The following VPS13B variants were observed in gnomAD, a reference collection of about 807,000 sequenced individuals.
The protein encoded by VPS13B is vacuolar protein sorting 13 homolog B, also known as intermembrane lipid transfer protein VPS13B.
In VPS13B, 285 loss-of-function variants were observed where a neutral mutation model predicts 426.4. That is an observed-to-expected ratio of 0.67 (90% CI 0.61 to 0.74). VPS13B has a LOEUF of 0.74. Ranked by LOEUF, VPS13B falls within the 30% of genes least tolerant of loss-of-function variation. The pLI is 0.00. For missense variants in VPS13B, 4,537 were observed against 4,782.6 expected (o/e 0.95, Z 1.51); for synonymous variants, 1,676 against 1,676.4 (o/e 1.00, Z 0.01).
chr8:99,714,515 A>G (rs1832833134), intron 36 of VPS13B, among the ~76,000 whole-genome samples: 3 of 152,166 alleles, frequency 2.0e-5, no homozygotes, highest in Admixed American at 2.0e-4. Flanking sequence ...ATAATCTCCA[A>G]GTGTCTCCCC....
At chr8:99,193,642 G>A (rs1813728935) in intron 17 of VPS13B, among the ~76,000 whole-genome samples, 1 of 152,076 alleles carries the variant, frequency 6.6e-6, no homozygotes. Flanking sequence ...ATGTTTGTCA[G>A]TAACACAAAA....
At chr8:99,460,250 C>T (rs976690271) in intron 23 of VPS13B, among the ~76,000 whole-genome samples, 2 of 151,718 alleles carry the variant, frequency 1.3e-5, no homozygotes, top group Non-Finnish European at 2.9e-5. Context: ...CATTTTTGTA[C>T]TATGTATATT....
chr8:99,349,253 T>A (rs3134145), intron 19 of VPS13B, among the ~76,000 whole-genome samples: 140,474 of 140,724 alleles, frequency 1, 70,113 homozygotes, highest in African/African-American at 1. Flanking sequence ...GAATGGCGTG[T>A]ACCCGGGAGG....
At chr8:99,659,408 T>G (rs1830140201) in intron 34 of VPS13B, among the ~76,000 whole-genome samples, 1 of 152,180 alleles carries the variant, frequency 6.6e-6, no homozygotes, top group Non-Finnish European at 1.5e-5. Context: ...TTCTGTCATT[T>G]GACTTTTTAT....
chr8:99,508,861 G>A (rs1188536247), intron 28 of VPS13B, among the ~76,000 whole-genome samples: 1 of 150,806 alleles, frequency 6.6e-6, no homozygotes, highest in African/African-American at 2.4e-5. Context: ...ACCTCAACTA[G>A]TATTCACTTT....
intron 19 of VPS13B, among the ~76,000 whole-genome samples, chr8:99,293,042 T>C (rs1433794521): frequency 6.6e-6 from 1 of 152,118 alleles, no homozygotes. Context: ...TAAAGCACCA[T>C]TTAAAGTTCA....
intron 17 of VPS13B, among the ~76,000 whole-genome samples, chr8:99,222,556 A>G (rs1815784060): frequency 6.6e-6 from 1 of 152,190 alleles, no homozygotes; most frequent in Admixed American, 6.5e-5. Flanking sequence ...TAATTCTGTA[A>G]AAGAAAGGAA....
chr8:99,029,445 C>T (rs898403241), intron 2 of VPS13B, among the ~76,000 whole-genome samples: 1 of 151,828 alleles, frequency 6.6e-6, no homozygotes, highest in Non-Finnish European at 1.5e-5. Context: ...GTGGTTGTAG[C>T]GAGCCGAGAT....
chr8:99,530,937 C>G (rs1014406739), intron 30 of VPS13B, among the ~76,000 whole-genome samples: 4 of 152,036 alleles, frequency 2.6e-5, no homozygotes, highest in Non-Finnish European at 5.9e-5. Flanking sequence ...ATAAGATGTA[C>G]CAGCTGTAGT....
chr8:99,775,264 C>T (rs924405260), intron 40 of VPS13B, among the ~76,000 whole-genome samples: 115 of 152,268 alleles, frequency 7.6e-4, no homozygotes, highest in African/African-American at 2.7e-3. Context: ...TTCTTTAGTG[C>T]TTCCTGTCAT....
At chr8:99,029,496 G>A (rs1422042244) in intron 2 of VPS13B, among the ~76,000 whole-genome samples, 1 of 152,140 alleles carries the variant, frequency 6.6e-6, no homozygotes, top group Non-Finnish European at 1.5e-5. Context: ...TGAGCACTGA[G>A]TGAACGAGAC....
At chr8:99,715,230 AT>A (rs1292371237) in intron 36 of VPS13B, among the ~76,000 whole-genome samples, 3 of 152,164 alleles carry the variant, frequency 2.0e-5, no homozygotes, top group Admixed American at 6.5e-5. Flanking sequence ...ATTAAGAAAC[AT>A]GTTGAGGCAG....
intron 21 of VPS13B, among the ~76,000 whole-genome samples, chr8:99,410,506 A>G (rs1815577079): frequency 1.3e-5 from 2 of 151,970 alleles, no homozygotes; most frequent in Admixed American, 6.6e-5. Flanking sequence ...TATTTGAGTG[A>G]ATTAATTCAA....
At chr8:99,857,436 G>A (rs1390477892) in intron 56 of VPS13B, among the ~76,000 whole-genome samples, 1 of 152,196 alleles carries the variant, frequency 6.6e-6, no homozygotes, top group Non-Finnish European at 1.5e-5. Context: ...GCCATTCAGG[G>A]CTAAAGGGAA....
intron 33 of VPS13B, among the ~76,000 whole-genome samples, chr8:99,630,991 A>G (rs1828821806): frequency 1.3e-5 from 2 of 152,182 alleles, no homozygotes; most frequent in Admixed American, 6.6e-5. Flanking sequence ...GAAGAAAAAA[A>G]TGTAAAATGG....
intron 5 of VPS13B, among the ~76,000 whole-genome samples, chr8:99,105,400 A>G (rs1315207857): frequency 6.6e-6 from 1 of 152,168 alleles, no homozygotes. Flanking sequence ...TTTTTTTGAG[A>G]CAGAGTCTCG....
chr8:99,338,415 T>C (rs750005761), intron 19 of VPS13B, among the ~76,000 whole-genome samples: 63 of 152,164 alleles, frequency 4.1e-4, no homozygotes, highest in Admixed American at 1.2e-3. Flanking sequence ...TTTTATTCTT[T>C]ATATAATCTG....
intron 25 of VPS13B, among the ~76,000 whole-genome samples, chr8:99,486,118 G>T (rs1198058899): frequency 6.6e-6 from 1 of 152,144 alleles, no homozygotes; most frequent in Non-Finnish European, 1.5e-5. Flanking sequence ...GGGTGCTAGA[G>T]ATTTCAGGGA....
rs753607562 is a variant in VPS13B at position 99,384,213 on chromosome 8, G to A, written c.2830G>A (p.Val944Ile). Residue 944 changes from valine to isoleucine, a missense_variant, in exon 20 of 62, where the codon GTA becomes ATA. This residue lies in a region of VPS13B where 4,311 missense variants were observed against 4,474.3 expected (regional missense o/e 0.96). Coordinates refer to ENST00000357162, the MANE Select transcript of VPS13B (RefSeq NM_152564.5). ...YIDYCHNSGA[V>I]LLCSIQGLAV... is the part of the protein sequence containing the mutation. ...TTAAAAATCTTGTCTTTTAGGTGCT[G>A]TACTTCTTTGCAGTATACAAGGACT... 6.2e-7 allele frequency: 1 copy of A among 1,613,538 alleles called. No homozygotes were observed. The highest frequency in any genetic ancestry group is 1.3e-5 in the African/African-American group (1 of 75,012).
Sources: allele counts gnomAD v4.1 joint callset (sites outside exome capture counted in the v4.1 genomes callset), GRCh38; gene constraint gnomAD v4.1.1; regional missense constraint gnomAD v4.1.1; transcripts MANE v1.5; gene names NCBI Gene and HGNC (gene_info 2026-07-23, HGNC 2026-07-21).